RFX3: variants seen among roughly 807,000 people sequenced by gnomAD.
RFX3 encodes the protein transcription factor RFX3.
A neutral mutation model predicts 98.6 loss-of-function variants in RFX3; 14 were observed. That is an observed-to-expected ratio of 0.14 (90% CI 0.09 to 0.22). The LOEUF is 0.22. RFX3 is among the 10% of genes least tolerant of loss of function. RFX3 has a pLI of 1.00. For missense variants in RFX3, 639 were observed against 926.9 expected, an observed-to-expected ratio of 0.69 and a Z score of 4.03; for synonymous variants, 383 against 328.4, an observed-to-expected ratio of 1.17 and a Z score of -1.80.
intron 3 of RFX3, among the ~76,000 whole-genome samples, chr9:3,345,577 T>G (rs1311977213): frequency 6.6e-6 from 1 of 152,200 alleles, no homozygotes; most frequent in Non-Finnish European, 1.5e-5. Flanking sequence ...ATATATTTCC[T>G]TGTATCCTTG....
chr9:3,241,697 C>T (rs972896148), intron 15 of RFX3, among the ~76,000 whole-genome samples: 2 of 152,130 alleles, frequency 1.3e-5, no homozygotes, highest in South Asian at 2.1e-4. Flanking sequence ...AACCAAACTA[C>T]GACTTCTTTA....
At chr9:3,381,989 A>C (rs1163782671) in intron 2 of RFX3, among the ~76,000 whole-genome samples, 1 of 152,122 alleles carries the variant, frequency 6.6e-6, no homozygotes, top group East Asian at 1.9e-4. Context: ...TCCATTTGAC[A>C]CCTTGAGGTT....
chr9:3,226,037 T>C (rs1817725315), intron 16 of RFX3, among the ~76,000 whole-genome samples: 1 of 152,336 alleles, frequency 6.6e-6, no homozygotes, highest in South Asian at 2.1e-4. Flanking sequence ...TAGAATGCCA[T>C]TTAATTTTTT....
At chr9:3,330,135 C>T in intron 4 of RFX3, 124 bp downstream of exon 4, 5 of 987,566 alleles carry the variant, frequency 5.1e-6, no homozygotes, top group Non-Finnish European at 4.5e-6. Flanking sequence ...ACTCTCAATA[C>T]TAAAACTATC....
chr9:3,443,868 T>C (rs1159359035), intron 1 of RFX3, among the ~76,000 whole-genome samples: 1 of 152,142 alleles, frequency 6.6e-6, no homozygotes, highest in Non-Finnish European at 1.5e-5. Flanking sequence ...CCAGCAGCTG[T>C]TTTTTGACTT....
chr9:3,271,587 T>G (rs951421529), intron 9 of RFX3, among the ~76,000 whole-genome samples: 1 of 151,176 alleles, frequency 6.6e-6, no homozygotes, highest in African/African-American at 2.4e-5. Flanking sequence ...TTCCTTTACC[T>G]ACTGCTTCTT....
rs568857246 is a variant in RFX3, at chr9:3,388,615, C to T, written c.117+6857G>A. On this transcript the variant is annotated intron_variant, in intron 2 of 16. Coordinates refer to ENST00000617270, the MANE Select transcript of RFX3 (RefSeq NM_001282116.2). ...TATAGAAAAAAACAAATGTTCTTTC[C>T]TGAATATAGTCTTGAAAGGAGCTTT... Among the ~76,000 whole-genome samples, 14 of 152,022 alleles carry T rather than the reference C, an allele frequency of 9.2e-5. No individual in the cohort carries two copies. The South Asian group carries it at 1.5e-3, about 16-fold the overall frequency.
At chr9:3,475,564 T>C (rs1268516691) in intron 1 of RFX3, among the ~76,000 whole-genome samples, 2 of 152,198 alleles carry the variant, frequency 1.3e-5, no homozygotes, top group Non-Finnish European at 2.9e-5. Flanking sequence ...TTTCTGCATA[T>C]CGCATATACA....
intron 13 of RFX3, 82 bp from the exon 14 acceptor site, chr9:3,257,281 G>C: frequency 9.0e-7 from 1 of 1,116,512 alleles, no homozygotes; most frequent in Non-Finnish European, 1.3e-6. Flanking sequence ...CTAGATGCAA[G>C]AACAGAAAAT....
intron 1 of RFX3, among the ~76,000 whole-genome samples, chr9:3,509,636 T>C (rs1314721570): frequency 3.9e-5 from 6 of 151,976 alleles, no homozygotes; most frequent in African/African-American, 1.4e-4. Flanking sequence ...ATAATCCATA[T>C]ACCAAAAATT....
intron 5 of RFX3, among the ~76,000 whole-genome samples, chr9:3,300,043 T>C (rs1319191484): frequency 6.6e-6 from 1 of 151,302 alleles, no homozygotes; most frequent in Non-Finnish European, 1.5e-5. Flanking sequence ...CATTTGTGAC[T>C]AAAAGGAAGA....
intron 1 of RFX3, among the ~76,000 whole-genome samples, chr9:3,461,551 T>C (rs1847685467): frequency 6.6e-6 from 1 of 151,992 alleles, no homozygotes; most frequent in African/African-American, 2.4e-5. Context: ...AAAGAACTGT[T>C]AGTAGAACAA....
intron 2 of RFX3, among the ~76,000 whole-genome samples, chr9:3,387,820 G>T (rs936820128): frequency 6.6e-6 from 1 of 151,992 alleles, no homozygotes; most frequent in African/African-American, 2.4e-5. Flanking sequence ...TGAAATAATG[G>T]TCTCAAATGA....
At chr9:3,484,116 A>G (rs932334701) in intron 1 of RFX3, among the ~76,000 whole-genome samples, 2 of 152,232 alleles carry the variant, frequency 1.3e-5, no homozygotes, top group African/African-American at 2.4e-5. Flanking sequence ...AGACCTTTAC[A>G]TAGCTTCATC....
At chr9:3,277,121 G>A (rs929381052) in intron 8 of RFX3, among the ~76,000 whole-genome samples, 1 of 151,810 alleles carries the variant, frequency 6.6e-6, no homozygotes, top group Admixed American at 6.6e-5. Context: ...TAATTCATAC[G>A]CATAAAAGTC....
At position 3,317,056 on chromosome 9, in the gene RFX3, G is replaced by A. The variant is rs548563599; in HGVS notation, c.474+13203C>T. Among the ~76,000 whole-genome samples, 7 of 152,220 alleles carry A rather than the reference G, an allele frequency of 4.6e-5. No homozygotes were observed. In the South Asian group the frequency reaches 1.2e-3, roughly 27 times the overall value. Reference sequence around the variant, plus strand: ...ATGGAACCAAAAAAGAGCCCGCATTGCCCAGACAATCCTAAGCCAAAAGAA... The same window carrying A: ...ATGGAACCAAAAAAGAGCCCGCATTACCCAGACAATCCTAAGCCAAAAGAA... On this transcript the variant is annotated intron_variant, in intron 4 of 16. Transcript: ENST00000617270.
At chr9:3,505,935 C>A (rs896811433) in intron 1 of RFX3, among the ~76,000 whole-genome samples, 12 of 151,796 alleles carry the variant, frequency 7.9e-5, no homozygotes, top group East Asian at 7.7e-4. Flanking sequence ...CAGTTTTATT[C>A]ATTCTTGTAT....
At chr9:3,258,440 A>T (rs564723581) in intron 13 of RFX3, among the ~76,000 whole-genome samples, 1 of 152,106 alleles carries the variant, frequency 6.6e-6, no homozygotes, top group Non-Finnish European at 1.5e-5. Context: ...GACTTTACCT[A>T]TTCAAGGGAC....
intron 4 of RFX3, among the ~76,000 whole-genome samples, chr9:3,305,700 A>G (rs1345574144): frequency 6.6e-6 from 1 of 152,042 alleles, no homozygotes; most frequent in African/African-American, 2.4e-5. Context: ...TCAAGGGGGT[A>G]GTTTTATGCA....
Sources: gnomAD v4.1 joint callset for allele counts (sites outside exome capture counted in the v4.1 genomes callset) on GRCh38, gnomAD v4.1.1 for gene constraint, MANE v1.5 for transcripts, NCBI Gene and HGNC (gene_info 2026-07-23, HGNC 2026-07-21) for gene names.